Variants in ICA1 observed in about 807,000 individuals in gnomAD.
ICA1 encodes the protein islet cell autoantigen 1, also known as 69 kDa islet cell autoantigen.
Under a neutral mutation model 71.0 loss-of-function variants are expected in ICA1, and 40 were observed. The ratio of observed to expected loss-of-function variants is 0.56; its 90% confidence interval spans 0.44 to 0.73. The LOEUF is 0.73. Among genes scored for constraint, ICA1 ranks in the 30% least tolerant of loss-of-function variants. ICA1 has a pLI of 0.00. For synonymous variants in ICA1, 207 were observed against 209.5 expected, an observed-to-expected ratio of 0.99 and a Z score of 0.10; for missense variants, 578 against 576.5, an observed-to-expected ratio of 1.00 and a Z score of -0.03.
chr7:8,228,781 CAT>C (rs1799402930), intron 3 of ICA1, 108 bp from the exon 4 acceptor site: 1 of 649,824 alleles, frequency 1.5e-6, no homozygotes, highest in Non-Finnish European at 2.6e-6. Flanking sequence ...AACAAGACCA[CAT>C]GTCTAAGTAT....
chr7:8,242,943 A>G (rs1203134914), intron 1 of ICA1, among the ~76,000 whole-genome samples: 4 of 152,182 alleles, frequency 2.6e-5, no homozygotes, highest in Admixed American at 1.3e-4. Context: ...CAACCAAAAA[A>G]AGTCCAGGAC....
chr7:8,253,396 G>A (rs939982078), intron 1 of ICA1, among the ~76,000 whole-genome samples: 1 of 152,080 alleles, frequency 6.6e-6, no homozygotes, highest in African/African-American at 2.4e-5. Flanking sequence ...TAAGTGAAGT[G>A]GTGGGCTACT....
intron 5 of ICA1, chr7:8,218,907 C>T (rs1431990034): frequency 1.1e-5 from 3 of 278,668 alleles, no homozygotes; most frequent in Non-Finnish European, 1.4e-5. Context: ...AGCATCTCTC[C>T]GACTAGGCCA....
chr7:8,118,537 T>C (rs999828925), intron 13 of ICA1, among the ~76,000 whole-genome samples: 1 of 152,186 alleles, frequency 6.6e-6, no homozygotes, highest in Non-Finnish European at 1.5e-5. Flanking sequence ...CAGTATTTGG[T>C]GTAATCCAGG....
intron 6 of ICA1, among the ~76,000 whole-genome samples, chr7:8,176,557 A>G (rs560976062): frequency 9.4e-4 from 143 of 152,314 alleles, no homozygotes; most frequent in South Asian, 2.1e-3. Flanking sequence ...TTCTAAGGCT[A>G]AGGCTTTGTG....
intron 13 of ICA1, among the ~76,000 whole-genome samples, chr7:8,126,428 T>G (rs993508289): frequency 1.3e-5 from 2 of 152,132 alleles, no homozygotes; most frequent in African/African-American, 4.8e-5. Flanking sequence ...TGGAGAAACA[T>G]TTTTGGATTT....
intron 6 of ICA1, among the ~76,000 whole-genome samples, chr7:8,175,603 C>T (rs1780359073): frequency 6.6e-6 from 1 of 152,114 alleles, no homozygotes; most frequent in African/African-American, 2.4e-5. Context: ...TGGCATGCAA[C>T]CTTCATTCAG....
chr7:8,244,373 G>T (rs1000536660), intron 1 of ICA1, among the ~76,000 whole-genome samples: 3 of 152,180 alleles, frequency 2.0e-5, no homozygotes, highest in African/African-American at 7.2e-5. Flanking sequence ...AGCTGAAACT[G>T]GATCCCTTCC....
chr7:8,200,486 A>C (rs1374409741), intron 6 of ICA1, among the ~76,000 whole-genome samples: 1 of 152,178 alleles, frequency 6.6e-6, no homozygotes, highest in Non-Finnish European at 1.5e-5. Context: ...GGAGGAAATA[A>C]AGGAACAGAT....
rs150108025 is a variant in ICA1, at chr7:8,233,073, C to T, written c.18-318G>A. Among the ~76,000 whole-genome samples the T allele has an allele frequency of 3.6e-4, 55 of 152,286 alleles. 1 individual carries two copies. The East Asian group carries it at 8.1e-3, about 22-fold the overall frequency. On this transcript the variant is annotated intron_variant, in intron 2 of 13. Coordinates refer to ENST00000402384, the MANE Select transcript of ICA1 (RefSeq NM_001136020.3). Reference sequence around the variant, plus strand: ...GTGGAGACAGTGAGATCAAGCCAGGCAGGGTGACTGGCCCAAGTTACCTCA... The same window carrying T: ...GTGGAGACAGTGAGATCAAGCCAGGTAGGGTGACTGGCCCAAGTTACCTCA...
At chr7:8,240,751 A>G (rs1803516679) in intron 1 of ICA1, among the ~76,000 whole-genome samples, 1 of 152,190 alleles carries the variant, frequency 6.6e-6, no homozygotes, top group Non-Finnish European at 1.5e-5. Context: ...ATGGCAGGAG[A>G]ACTACGTGAC....
At chr7:8,191,582 G>T (rs1785664832) in intron 6 of ICA1, among the ~76,000 whole-genome samples, 1 of 152,120 alleles carries the variant, frequency 6.6e-6, no homozygotes, top group South Asian at 2.1e-4. Flanking sequence ...TGTTTGGTAG[G>T]TTTGGTGTAT....
At chr7:8,179,506 A>T (rs1372518967) in intron 6 of ICA1, among the ~76,000 whole-genome samples, 1 of 152,258 alleles carries the variant, frequency 6.6e-6, no homozygotes, top group African/African-American at 2.4e-5. Context: ...ATTCGTTTTC[A>T]TACCATTTCA....
At chr7:8,210,348 C>G (rs1793230524) in intron 6 of ICA1, among the ~76,000 whole-genome samples, 1 of 152,220 alleles carries the variant, frequency 6.6e-6, no homozygotes, top group South Asian at 2.1e-4. Context: ...GCTTAAATGT[C>G]TGTCATTTTG....
intron 8 of ICA1, among the ~76,000 whole-genome samples, chr7:8,152,802 AC>A (rs1277850261): frequency 2.9e-4 from 44 of 151,386 alleles, no homozygotes; most frequent in African/African-American, 1.0e-3. Context: ...CACCTCCACC[AC>A]CACCACCACC....
chr7:8,261,202 C>A (rs1812207067), intron 1 of ICA1, among the ~76,000 whole-genome samples: 1 of 152,160 alleles, frequency 6.6e-6, no homozygotes, highest in East Asian at 1.9e-4. Flanking sequence ...CAAACTAACT[C>A]TCCCCAACCA....
intron 6 of ICA1, among the ~76,000 whole-genome samples, chr7:8,193,341 CA>C (rs1282854224): frequency 6.6e-6 from 1 of 152,184 alleles, no homozygotes; most frequent in African/African-American, 2.4e-5. Context: ...TCCAATACCG[CA>C]GAGTTCTATC....
chr7:8,163,699 C>A (rs1400197630), intron 6 of ICA1, among the ~76,000 whole-genome samples: 4 of 152,034 alleles, frequency 2.6e-5, no homozygotes, highest in African/African-American at 9.7e-5. Context: ...GGAGAGAAGT[C>A]CAGTGGAAGG....
chr7:8,184,810 T>G (rs977358162), intron 6 of ICA1, among the ~76,000 whole-genome samples: 1 of 152,192 alleles, frequency 6.6e-6, no homozygotes, highest in African/African-American at 2.4e-5. Flanking sequence ...TGCCGTGGCT[T>G]GCACCTGTAA....
Sources: gnomAD v4.1 joint callset for allele counts (sites outside exome capture counted in the v4.1 genomes callset) on GRCh38, gnomAD v4.1.1 for gene constraint, MANE v1.5 for transcripts, NCBI Gene and HGNC (gene_info 2026-07-23, HGNC 2026-07-21) for gene names.